The following HAS2 variants were observed in gnomAD, a reference collection of about 807,000 sequenced individuals.
The protein encoded by HAS2 is HA synthase 2.
In HAS2, 16 loss-of-function variants were observed where a neutral mutation model predicts 51.6. The ratio of observed to expected loss-of-function variants is 0.31; its 90% CI spans 0.21 to 0.47. The LOEUF is 0.47. Ranked by LOEUF, HAS2 falls within the 20% of genes least tolerant of loss-of-function variation. The probability of loss-of-function intolerance (pLI) is 1.00; values close to 1 mark genes in which losing one functional copy is unlikely to be tolerated. For missense variants in HAS2, 361 were observed against 662.6 expected (o/e 0.54, Z 5.00); for synonymous variants, 228 against 235.5 (o/e 0.97, Z 0.29).
Position 121,617,110 on chromosome 8 carries a change from C to T in HAS2, c.724G>A (p.Val242Ile). ...CAAAAAGTGAAGCCATGTACCTGGA[C>T]ATCTCCCCCAACACCTCCAACCATG... ...DPMVGGVGGD[V>I]QILNKYDSWI... Residue 242 changes from valine (V) to isoleucine (I), a missense_variant, in exon 3 of 4, where the codon GTC becomes ATC. This residue lies in a region of HAS2 where 49 missense variants were observed against 108.3 expected (regional missense o/e 0.45). Coordinates refer to ENST00000303924, the MANE Select transcript of HAS2 (RefSeq NM_005328.3). 1 of 1,569,416 alleles carries T rather than the reference C, an allele frequency of 6.4e-7. No individual in the cohort carries two copies. Among genetic ancestry groups the T allele is most frequent in the Non-Finnish European group, 8.8e-7 (1 of 1,139,894 alleles).
chr8:121,614,216 G>C lies in HAS2; in HGVS notation c.1552C>G (p.Leu518Val), dbSNP rs750632870. The C allele has an allele frequency of 6.2e-7, 1 of 1,614,064 alleles. No homozygotes were observed. The highest frequency in any genetic ancestry group is 1.7e-5 in the Admixed American group (1 of 60,028). The change falls in exon 4 of 4, where the codon CTC becomes GTC. Residue 518 changes from leucine to valine, a missense_variant. This residue lies in a region of HAS2 where 61 missense variants were observed against 73.1 expected (regional missense o/e 0.84). Coordinates refer to ENST00000303924, the MANE Select transcript of HAS2 (RefSeq NM_005328.3). The surrounding 1 kb of genome is among the most constrained non-coding windows in gnomAD (Gnocchi z 7.2). ...KQTVLIVGTL[L>V]YACYWVMLLT... ...AGCATGACCCAATAGCATGCATAGAGCAACGTTCCAACAATTAGAACTGTC... is the reference window on the plus strand; with the variant it reads ...AGCATGACCCAATAGCATGCATAGACCAACGTTCCAACAATTAGAACTGTC...
At position 121,614,735 on chromosome 8, in the gene HAS2, G is replaced by A. The variant is rs752131171; in HGVS notation, c.1033C>T (p.Leu345Phe). 2 of 1,614,204 alleles carry A rather than the reference G, an allele frequency of 1.2e-6. No homozygotes were observed. Among genetic ancestry groups the A allele is most frequent in the Admixed American group, 3.3e-5 (2 of 60,026 alleles). The change falls in exon 4 of 4, where the codon CTC (leucine) becomes TTC (phenylalanine). Residue 345 changes from leucine (L) to phenylalanine (F), a missense_variant. Leu to Phe is a conservative substitution (Grantham distance 22). Coordinates refer to ENST00000303924, the MANE Select transcript of HAS2 (RefSeq NM_005328.3). This position sits in a 1 kb window ranked among gnomAD's most constrained non-coding sequence, Gnocchi z 7.2. ...KCLTETPIEYLRWLNQQTRWS... is the reference protein window; with the variant it reads ...KCLTETPIEYFRWLNQQTRWS... ...CGGGTCTGCTGGTTTAGCCATCTGA[G>A]ATATTCTATAGGTGTTTCAGTAAGG...
At chr8:121,617,829 G>A (rs1343836190) in intron 2 of HAS2, among the ~76,000 whole-genome samples, 1 of 152,010 alleles carries the variant, frequency 6.6e-6, no homozygotes, top group Non-Finnish European at 1.5e-5. Flanking sequence ...CATATGACCC[G>A]GGCTTAGCAA....
At chr8:121,624,574 G>T (rs940423084) in intron 2 of HAS2, among the ~76,000 whole-genome samples, 2 of 152,174 alleles carry the variant, frequency 1.3e-5, no homozygotes, top group African/African-American at 2.4e-5. Flanking sequence ...TTTCCCCAAA[G>T]AATTCTGGAT....
At chr8:121,623,390 C>T (rs990361435) in intron 2 of HAS2, among the ~76,000 whole-genome samples, 2 of 152,014 alleles carry the variant, frequency 1.3e-5, no homozygotes, top group African/African-American at 2.4e-5. Context: ...CCATGAAGGA[C>T]CCTTATTCCA....
chr8:121,617,083 A>C (rs757052423), intron 3 of HAS2, 22 bp downstream of exon 3: 1 of 1,344,720 alleles, frequency 7.4e-7, no homozygotes, highest in Non-Finnish European at 1.1e-6. Flanking sequence ...AAAACAAACA[A>C]ACAAAAAGTG....
Position 121,624,325 on chromosome 8 carries a change from A to C in HAS2, c.627+4389T>G, listed in dbSNP as rs565096554. 9.2e-5 allele frequency among the ~76,000 whole-genome samples: 14 copies of C among 152,354 alleles called. No homozygotes were observed. In the East Asian group the frequency reaches 2.1e-3, roughly 23 times the overall value. Reference sequence around the variant, plus strand: ...GACCATGAAGAGGATAATTGTTTACAGTATAAAAGCTGAAACAAGAAGCCA... The same window carrying C: ...GACCATGAAGAGGATAATTGTTTACCGTATAAAAGCTGAAACAAGAAGCCA... On this transcript the variant is annotated intron_variant, in intron 2 of 3. Transcript: ENST00000303924.
intron 1 of HAS2, among the ~76,000 whole-genome samples, chr8:121,636,934 T>A (rs1813017273): frequency 6.6e-6 from 1 of 152,238 alleles, no homozygotes; most frequent in Admixed American, 6.5e-5. Context: ...AAGGGCATTA[T>A]ATTCCAAGAA....
chr8:121,630,644 T>C (rs1786873249), intron 1 of HAS2, among the ~76,000 whole-genome samples: 3 of 152,214 alleles, frequency 2.0e-5, no homozygotes. Context: ...GTGCTTAATC[T>C]TTTTCTTTAA....
At chr8:121,633,530 G>A (rs972857700) in intron 1 of HAS2, among the ~76,000 whole-genome samples, 2 of 152,086 alleles carry the variant, frequency 1.3e-5, no homozygotes, top group Admixed American at 6.5e-5. Flanking sequence ...CTGAGATTTC[G>A]GGCTCATATA....
rs965966687 is a variant in HAS2, at chr8:121,612,728, A to G, written c.*1381T>C. Reference sequence around the variant, plus strand: ...TCATTGATATACTTATTAAACCTTGATGTCACTTCTACTGTGTAGACATTT... The same window carrying G: ...TCATTGATATACTTATTAAACCTTGGTGTCACTTCTACTGTGTAGACATTT... On this transcript the variant is annotated 3_prime_UTR_variant, in exon 4 of 4. Transcript: ENST00000303924. 1 of 152,158 alleles carries G rather than the reference A, an allele frequency of 6.6e-6. No individual in the cohort carries two copies. Among genetic ancestry groups the G allele is most frequent in the Non-Finnish European group, 1.5e-5 (1 of 68,026 alleles). 9.4% of individuals were successfully genotyped at this position (152,158 alleles called of 1,614,324 possible).
chr8:121,641,364 G>A lies in HAS2; in HGVS notation c.-512C>T, dbSNP rs930028863. 1 of 151,772 alleles carries A rather than the reference G, an allele frequency of 6.6e-6. No individual in the cohort carries two copies. Among genetic ancestry groups the A allele is most frequent in the Non-Finnish European group, 1.5e-5 (1 of 68,050 alleles). The allele number at this position is 151,772 out of a possible 1,614,324, so 9.4% of individuals were successfully genotyped here. On this transcript the variant is annotated 5_prime_UTR_variant, in exon 1 of 4. Coordinates refer to ENST00000303924, the MANE Select transcript of HAS2 (RefSeq NM_005328.3). Reference sequence around the variant, plus strand: ...ATGGGCTGCTCGAAGCCAGGACTGGGTAATTCTTTCCAGACGTCTTGACTT... The same window carrying A: ...ATGGGCTGCTCGAAGCCAGGACTGGATAATTCTTTCCAGACGTCTTGACTT...
rs144987750 is a variant in HAS2 at position 121,624,586 on chromosome 8, T to C, written c.627+4128A>G. 7.0e-3 allele frequency among the ~76,000 whole-genome samples: 1,073 copies of C among 152,336 alleles called. 27 individuals are homozygous for C. Among genetic ancestry groups the C allele is most frequent in the Admixed American group, 0.052 (791 of 15,296 alleles). ...ATTTTTCCCCAAAGAATTCTGGATA[T>C]GTAGAATGCTGTGATATTAAATCAA... On this transcript the variant is annotated intron_variant, in intron 2 of 3. Coordinates refer to ENST00000303924, the MANE Select transcript of HAS2 (RefSeq NM_005328.3).
Position 121,613,805 on chromosome 8 carries a change from TAA to T in HAS2, c.*302_*303del, listed in dbSNP as rs892375606. 9 of 345,236 alleles carry T rather than the reference TAA, an allele frequency of 2.6e-5. No homozygotes were observed. Among genetic ancestry groups the T allele is most frequent in the Non-Finnish European group, 1.1e-5 (2 of 184,994 alleles). The allele number at this position is 345,236 out of a possible 1,614,324, so 21.4% of individuals were successfully genotyped here. The stretch of plus-strand genomic sequence containing the variant: ...TCCTTTTCTTCCATGATAACCCACA[TAA>T]AGCATGGCTAGTGAGGTATATAGGG... On this transcript the variant is annotated 3_prime_UTR_variant, in exon 4 of 4. Coordinates refer to ENST00000303924, the MANE Select transcript of HAS2 (RefSeq NM_005328.3).
At chr8:121,620,061 T>C (rs1812754173) in intron 2 of HAS2, among the ~76,000 whole-genome samples, 1 of 152,192 alleles carries the variant, frequency 6.6e-6, no homozygotes, top group Non-Finnish European at 1.5e-5. Context: ...AGAGAGATTG[T>C]TCACATGGTG....
At position 121,614,493 on chromosome 8, in the gene HAS2, G is replaced by T; in HGVS notation, c.1275C>A (p.Ser425Arg). ...LVGLIKSSFASCLRGNIVMVF... is the reference protein window; with the variant it reads ...LVGLIKSSFARCLRGNIVMVF... ...CCATGACGATATTTCCTCTAAGGCA[G>T]CTGGCAAAAGATGATTTTATGAGAC... The change falls in exon 4 of 4, where the codon AGC becomes AGA. Residue 425 changes from serine (S) to arginine (R), a missense_variant. This residue lies in a region of HAS2 where 106 missense variants were observed against 241.0 expected (regional missense o/e 0.44). Coordinates refer to ENST00000303924, the MANE Select transcript of HAS2 (RefSeq NM_005328.3). This position sits in a 1 kb window ranked among gnomAD's most constrained non-coding sequence, Gnocchi z 7.2. 6.2e-7 allele frequency: 1 copy of T among 1,613,942 alleles called. No homozygotes were observed.
chr8:121,624,920 C>A (rs1270209111), intron 2 of HAS2, among the ~76,000 whole-genome samples: 1 of 151,772 alleles, frequency 6.6e-6, no homozygotes, highest in East Asian at 1.9e-4. Flanking sequence ...ACGGTGAAAC[C>A]CCATCTCTAC....
At chr8:121,636,235 A>T (rs1303388893) in intron 1 of HAS2, among the ~76,000 whole-genome samples, 7 of 152,174 alleles carry the variant, frequency 4.6e-5, no homozygotes, top group Admixed American at 6.5e-5. Flanking sequence ...ATTCACATTG[A>T]TACCCATCCC....
chr8:121,635,813 T>C (rs1192074489), intron 1 of HAS2, among the ~76,000 whole-genome samples: 4 of 152,240 alleles, frequency 2.6e-5, no homozygotes, highest in African/African-American at 9.6e-5. Flanking sequence ...AAACATAGGC[T>C]GTCTTTATGC....
Sources: allele counts gnomAD v4.1 joint callset (sites outside exome capture counted in the v4.1 genomes callset), GRCh38; gene constraint gnomAD v4.1.1; regional missense constraint gnomAD v4.1.1; non-coding constraint Gnocchi (gnomAD v3.1); transcripts MANE v1.5; gene names NCBI Gene and HGNC (gene_info 2026-07-23, HGNC 2026-07-21).